GRHL1: variants seen among roughly 807,000 people sequenced by gnomAD.
GRHL1 encodes grainyhead-like protein 1 homolog.
GRHL1 carries 38 observed loss-of-function variants against 75.7 expected under a neutral mutation model. That is an observed-to-expected ratio of 0.50 (90% confidence interval 0.39 to 0.66). The LOEUF (loss-of-function observed/expected upper bound fraction) is 0.66. GRHL1 is among the 30% of genes least tolerant of loss of function. The pLI is 0.00. For missense variants in GRHL1, 589 were observed against 767.5 expected (o/e 0.77, Z 2.75); for synonymous variants, 266 against 279.4 (o/e 0.95, Z 0.48).
At chr2:9,980,402 A>G (rs1346289421) in intron 8 of GRHL1, among the ~76,000 whole-genome samples, 1 of 151,506 alleles carries the variant, frequency 6.6e-6, no homozygotes, top group Admixed American at 6.6e-5. Context: ...CTCATTTTCA[A>G]ACTGAGGTTT....
Position 9,990,210 on chromosome 2 carries a change from G to A in GRHL1, c.1270-486G>A, listed in dbSNP as rs557538047. 9.0e-4 allele frequency among the ~76,000 whole-genome samples: 136 copies of A among 151,878 alleles called. No individual in the cohort carries two copies. The highest frequency in any genetic ancestry group is 1.7e-3 in the Non-Finnish European group (117 of 67,972). ...GTCACCCAGGCTGGAGTGCAGTGGT[G>A]TGATCTCAGCTCACTGCAACCTCCA... is the stretch of plus-strand genomic sequence containing the variant. On this transcript the variant is annotated intron_variant, in intron 9 of 15. Transcript: ENST00000324907. This position sits in a 1 kb window ranked among gnomAD's most constrained non-coding sequence, Gnocchi z 4.2.
At chr2:9,983,540 A>G (rs1043612401) in intron 8 of GRHL1, among the ~76,000 whole-genome samples, 13 of 152,128 alleles carry the variant, frequency 8.5e-5, no homozygotes, top group Admixed American at 8.5e-4. Flanking sequence ...TAGAAACTTG[A>G]AACTGGGAAG....
At chr2:9,998,116 C>T (rs1200263151) in intron 14 of GRHL1, among the ~76,000 whole-genome samples, 3 of 152,260 alleles carry the variant, frequency 2.0e-5, no homozygotes, top group East Asian at 3.9e-4. Context: ...TCAGTGCCAC[C>T]TTGAGCTTTG....
intron 8 of GRHL1, among the ~76,000 whole-genome samples, chr2:9,967,135 C>T (rs915634457): frequency 1.3e-5 from 2 of 152,152 alleles, no homozygotes; most frequent in Non-Finnish European, 1.5e-5. Context: ...GTGGAGGAGG[C>T]GATAAAGAGC....
intron 8 of GRHL1, among the ~76,000 whole-genome samples, chr2:9,976,154 TG>T (rs1324353663): frequency 6.6e-6 from 1 of 152,156 alleles, no homozygotes; most frequent in Non-Finnish European, 1.5e-5. Context: ...AAGATGCTCT[TG>T]GAATGGAAAG....
chr2:10,000,103 C>T (rs993628912), intron 15 of GRHL1, among the ~76,000 whole-genome samples: 1 of 152,220 alleles, frequency 6.6e-6, no homozygotes, highest in Non-Finnish European at 1.5e-5. Context: ...TTCACCTCAG[C>T]TTCCCAAGTA....
intron 8 of GRHL1, among the ~76,000 whole-genome samples, chr2:9,981,125 C>A (rs753679292): frequency 6.6e-6 from 1 of 152,218 alleles, no homozygotes; most frequent in Non-Finnish European, 1.5e-5. Flanking sequence ...TTTCTACACT[C>A]GCCATATGTG....
chr2:9,962,619 T>TAGC (rs1667324355), intron 5 of GRHL1, 88 bp downstream of exon 5: 1 of 777,850 alleles, frequency 1.3e-6, no homozygotes, highest in East Asian at 2.6e-5. Flanking sequence ...AAGGTGGCTT[T>TAGC]AGCAGGCTTT....
At chr2:9,956,462 A>G (rs936839577) in intron 2 of GRHL1, among the ~76,000 whole-genome samples, 1 of 152,098 alleles carries the variant, frequency 6.6e-6, no homozygotes, top group Non-Finnish European at 1.5e-5. Context: ...TGGAGGCTGC[A>G]GTGAGCTGAG....
intron 1 of GRHL1, among the ~76,000 whole-genome samples, chr2:9,952,697 C>T (rs1313097716): frequency 6.6e-6 from 1 of 152,104 alleles, no homozygotes; most frequent in Non-Finnish European, 1.5e-5. Flanking sequence ...TAAAATTGTC[C>T]TAAAAATTTT....
At position 9,954,926 on chromosome 2, in the gene GRHL1, T is replaced by C. The variant is rs921703892; in HGVS notation, c.32T>C (p.Val11Ala). 6.2e-7 allele frequency: 1 copy of C among 1,612,886 alleles called. No individual in the cohort carries two copies. Among genetic ancestry groups the C allele is most frequent in the Non-Finnish European group, 8.5e-7 (1 of 1,178,970 alleles). The stretch of plus-strand genomic sequence containing the variant: ...TAATTTCTCTGAAGCAAACGGCCAG[T>C]GTTGGTTCTTCAGAATGAAGCACTT... The part of the protein sequence containing the change: MTQEYDNKRP[V>A]LVLQNEALYP... Residue 11 changes from valine (V) to alanine (A), a missense_variant, in exon 2 of 16, where the codon GTG becomes GCG. Coordinates refer to ENST00000324907, the MANE Select transcript of GRHL1 (RefSeq NM_198182.3).
At chr2:9,954,751 G>C (rs1666938587) in intron 1 of GRHL1, 164 bp from the exon 2 acceptor site, 2 of 686,238 alleles carry the variant, frequency 2.9e-6, no homozygotes, top group Admixed American at 4.4e-5. Flanking sequence ...GGACCCATTG[G>C]TCTGCACTTA....
chr2:9,983,543 C>G (rs1187129941), intron 8 of GRHL1, among the ~76,000 whole-genome samples: 1 of 152,088 alleles, frequency 6.6e-6, no homozygotes, highest in African/African-American at 2.4e-5. Context: ...AAACTTGAAA[C>G]TGGGAAGCAA....
chr2:9,976,268 A>G (rs933373988), intron 8 of GRHL1, among the ~76,000 whole-genome samples: 2 of 152,168 alleles, frequency 1.3e-5, no homozygotes, highest in African/African-American at 2.4e-5. Flanking sequence ...CACTTGGAAT[A>G]GGAAGATTCG....
rs549465134 is a variant in GRHL1, at chr2:9,965,101, C to T, written c.1016-186C>T. On this transcript the variant is annotated intron_variant, in intron 7 of 15. Coordinates refer to ENST00000324907, the MANE Select transcript of GRHL1 (RefSeq NM_198182.3). ...TTGAATTAAATATGTCTAAGCTTGC[C>T]TCTATTACAAAAACTCTGTGATTCT... 126 of 521,190 alleles carry T rather than the reference C, an allele frequency of 2.4e-4. No homozygotes were observed. In the East Asian group the frequency reaches 3.6e-3, roughly 15 times the overall value. 32.3% of individuals were successfully genotyped at this position (521,190 alleles called of 1,614,324 possible).
chr2:9,966,893 G>A (rs1001614595), intron 8 of GRHL1, among the ~76,000 whole-genome samples: 1 of 152,122 alleles, frequency 6.6e-6, no homozygotes, highest in Non-Finnish European at 1.5e-5. Context: ...ATTGTCAGGT[G>A]GCTGCATAGT....
chr2:9,979,142 ACT>A (rs1287602805), intron 8 of GRHL1, among the ~76,000 whole-genome samples: 4 of 143,100 alleles, frequency 2.8e-5, no homozygotes, highest in Non-Finnish European at 6.0e-5. Context: ...CCTGGGCAAG[ACT>A]CTCTCTCAAA....
At chr2:9,993,283 G>C in intron 12 of GRHL1, 39 bp downstream of exon 12, 1 of 1,521,934 alleles carries the variant, frequency 6.6e-7, no homozygotes, top group African/African-American at 1.4e-5. Context: ...TTTAATAATG[G>C]AAATGATTTC....
chr2:9,990,544 C>A lies in GRHL1; in HGVS notation c.1270-152C>A, dbSNP rs543852624. 67 of 437,884 alleles carry A rather than the reference C, an allele frequency of 1.5e-4. No individual in the cohort carries two copies. Among genetic ancestry groups the A allele is most frequent in the African/African-American group, 1.2e-3 (60 of 49,558 alleles). The allele number at this position is 437,884 out of a possible 1,614,324, so 27.1% of individuals were successfully genotyped here. On this transcript the variant is annotated intron_variant, in intron 9 of 15. Coordinates refer to ENST00000324907, the MANE Select transcript of GRHL1 (RefSeq NM_198182.3). This position sits in a 1 kb window ranked among gnomAD's most constrained non-coding sequence, Gnocchi z 4.2. Reference sequence around the variant, plus strand: ...TTAAGACTAATCTTTTTAGAAGAAACTACTATGATAAGCCTCATGAATATA... The same window carrying A: ...TTAAGACTAATCTTTTTAGAAGAAAATACTATGATAAGCCTCATGAATATA...
Sources: gnomAD v4.1 joint callset for allele counts (sites outside exome capture counted in the v4.1 genomes callset) on GRCh38, gnomAD v4.1.1 for gene constraint, Gnocchi (gnomAD v3.1) non-coding constraint, MANE v1.5 for transcripts, NCBI Gene and HGNC (gene_info 2026-07-23, HGNC 2026-07-21) for gene names.